MYT1L: variants seen among roughly 807,000 people sequenced by gnomAD.
MYT1L encodes myelin transcription factor 1 like.
Under a neutral mutation model 126.7 loss-of-function variants are expected in MYT1L, and 12 were observed. The ratio of observed to expected loss-of-function variants is 0.09; its 90% CI spans 0.06 to 0.15. MYT1L has a LOEUF of 0.15. Among genes scored for constraint, MYT1L ranks in the 10% least tolerant of loss-of-function variants. The pLI is 1.00. For missense variants in MYT1L, 979 were observed against 1,585.2 expected, an observed-to-expected ratio of 0.62 and a Z score of 6.49; for synonymous variants, 541 against 604.2, an observed-to-expected ratio of 0.90 and a Z score of 1.53.
At chr2:2,036,731 T>G (rs1173391406) in intron 4 of MYT1L, among the ~76,000 whole-genome samples, 1 of 152,244 alleles carries the variant, frequency 6.6e-6, no homozygotes, top group African/African-American at 2.4e-5. Flanking sequence ...ATGCAGCTGC[T>G]TTCTAATTGG....
chr2:2,213,152 G>A (rs948885149), intron 2 of MYT1L, among the ~76,000 whole-genome samples: 1 of 152,044 alleles, frequency 6.6e-6, no homozygotes, highest in Non-Finnish European at 1.5e-5. Context: ...AAATGCAAAC[G>A]GACAAATACA....
chr2:2,040,577 A>C (rs2150009590), intron 4 of MYT1L, among the ~76,000 whole-genome samples: 1 of 152,300 alleles, frequency 6.6e-6, no homozygotes, highest in East Asian at 1.9e-4. Context: ...ATTATAAGTA[A>C]ATTTGTTATC....
chr2:1,936,832 C>G (rs2055955746), intron 9 of MYT1L, among the ~76,000 whole-genome samples: 1 of 152,142 alleles, frequency 6.6e-6, no homozygotes, highest in Admixed American at 6.5e-5. Flanking sequence ...ATGCTGTCCT[C>G]CTGTGAAAAC....
intron 5 of MYT1L, among the ~76,000 whole-genome samples, chr2:1,986,378 T>C (rs1226732839): frequency 6.6e-6 from 1 of 152,118 alleles, no homozygotes; most frequent in South Asian, 2.1e-4. Context: ...AAGGAGCCTT[T>C]CAGAGCTTCA....
At chr2:1,947,465 G>A (rs1020732345) in intron 8 of MYT1L, among the ~76,000 whole-genome samples, 3 of 152,192 alleles carry the variant, frequency 2.0e-5, no homozygotes, top group East Asian at 3.9e-4. Flanking sequence ...GATGGGGTCT[G>A]GGCCGTAGGG....
At chr2:2,218,780 A>G (rs982758159) in intron 2 of MYT1L, among the ~76,000 whole-genome samples, 1 of 152,226 alleles carries the variant, frequency 6.6e-6, no homozygotes, top group African/African-American at 2.4e-5. Context: ...ACTGCCAGCC[A>G]CACCCTCATT....
chr2:1,797,431 A>G (rs2033817289), intron 23 of MYT1L, among the ~76,000 whole-genome samples: 1 of 152,168 alleles, frequency 6.6e-6, no homozygotes, highest in Non-Finnish European at 1.5e-5. Context: ...CGTGTTAGCC[A>G]GGATGGTCTC....
chr2:2,055,284 T>C (rs1488252111), intron 3 of MYT1L, among the ~76,000 whole-genome samples: 2 of 152,242 alleles, frequency 1.3e-5, no homozygotes, highest in Non-Finnish European at 2.9e-5. Flanking sequence ...TGTGTGTTTG[T>C]ATTTTTGTCC....
intron 2 of MYT1L, among the ~76,000 whole-genome samples, chr2:2,185,946 C>T (rs2092112367): frequency 2.5e-5 from 3 of 121,460 alleles, no homozygotes; most frequent in Admixed American, 7.9e-5. Context: ...GAGGCGGACG[C>T]AGCCGGGCCT....
intron 10 of MYT1L, among the ~76,000 whole-genome samples, chr2:1,919,381 C>T (rs1460752533): frequency 6.6e-6 from 1 of 152,014 alleles, no homozygotes; most frequent in African/African-American, 2.4e-5. Context: ...GCAAAGGGAC[C>T]AACAATTTAA....
chr2:2,259,426 C>G, intron 2 of MYT1L, among the ~76,000 whole-genome samples: 1 of 148,260 alleles, frequency 6.7e-6, no homozygotes, highest in East Asian at 2.0e-4. Context: ...AAAAATGGAA[C>G]TATGTGAGGT....
chr2:2,257,787 G>T (rs1559479571), intron 2 of MYT1L, among the ~76,000 whole-genome samples: 1 of 150,954 alleles, frequency 6.6e-6, no homozygotes, highest in Non-Finnish European at 1.5e-5. Flanking sequence ...TGGGTAGGAA[G>T]AATCAATATC....
chr2:1,805,558 C>T (rs577463280), intron 22 of MYT1L, among the ~76,000 whole-genome samples: 15 of 152,102 alleles, frequency 9.9e-5, no homozygotes, highest in Admixed American at 8.5e-4. Context: ...TCAAGAGCAA[C>T]ACAGGGGGCA....
intron 19 of MYT1L, among the ~76,000 whole-genome samples, chr2:1,845,313 G>C (rs745499418): frequency 1.3e-5 from 2 of 152,040 alleles, no homozygotes; most frequent in Non-Finnish European, 2.9e-5. Flanking sequence ...TTTTCTTTTC[G>C]TGAATGAGTT....
intron 4 of MYT1L, among the ~76,000 whole-genome samples, chr2:2,023,025 T>A (rs929466397): frequency 1.3e-5 from 2 of 152,210 alleles, no homozygotes; most frequent in African/African-American, 4.8e-5. Context: ...TCTTTCATGA[T>A]ACTTGTTGGG....
intron 13 of MYT1L, among the ~76,000 whole-genome samples, chr2:1,904,145 G>A (rs981365896): frequency 1.3e-5 from 2 of 152,186 alleles, no homozygotes; most frequent in African/African-American, 2.4e-5. Context: ...ACTAACATTA[G>A]TATGGAGTTC....
At chr2:2,147,928 TG>T (rs1453294934) in intron 3 of MYT1L, among the ~76,000 whole-genome samples, 1 of 152,244 alleles carries the variant, frequency 6.6e-6, no homozygotes, top group African/African-American at 2.4e-5. Context: ...TTCACTTTCC[TG>T]CTCAAGAAAG....
intron 21 of MYT1L, among the ~76,000 whole-genome samples, chr2:1,831,417 C>T (rs1292890229): frequency 1.3e-5 from 2 of 152,204 alleles, no homozygotes; most frequent in African/African-American, 4.8e-5. Flanking sequence ...TTTCTCTCTG[C>T]CTGTGAGGTC....
At chr2:2,312,667 A>C (rs1015241661) in intron 1 of MYT1L, among the ~76,000 whole-genome samples, 19 of 152,070 alleles carry the variant, frequency 1.2e-4, no homozygotes, top group Admixed American at 1.3e-4. Flanking sequence ...CTTTTTTGAC[A>C]GTTTCATTCT....
Sources: gnomAD v4.1 joint callset for allele counts (sites outside exome capture counted in the v4.1 genomes callset) on GRCh38, gnomAD v4.1.1 for gene constraint, MANE v1.5 for transcripts, NCBI Gene and HGNC (gene_info 2026-07-23, HGNC 2026-07-21) for gene names.